FHIP2A: variants seen among roughly 807,000 people sequenced by gnomAD.
The protein encoded by FHIP2A is FHF complex subunit HOOK interacting protein 2A.
Under a neutral mutation model 93.5 loss-of-function variants are expected in FHIP2A, and 46 were observed. That is an observed-to-expected ratio of 0.49 (90% confidence interval 0.39 to 0.63). The LOEUF is 0.63. Among genes scored for constraint, FHIP2A ranks in the 20% least tolerant of loss-of-function variants. FHIP2A has a pLI of 0.00. For missense variants in FHIP2A, 769 were observed against 909.7 expected (o/e 0.85, Z 1.99); for synonymous variants, 332 against 326.5 (o/e 1.02, Z -0.18).
At chr10:114,875,898 G>GA (rs1210173385) in intron 16 of FHIP2A, among the ~76,000 whole-genome samples, 3 of 42,810 alleles carry the variant, frequency 7.0e-5, no homozygotes, top group African/African-American at 2.1e-4. Flanking sequence ...GAGAGAGAAA[G>GA]AAATAAAGAA....
At chr10:114,867,748 T>TC (rs1005030693), downstream of FHIP2A, among the ~76,000 whole-genome samples, 24 of 150,300 alleles carry the variant, frequency 1.6e-4, no homozygotes, top group African/African-American at 5.6e-4. Context: ...ATCCCACAAC[T>TC]CCCCCCCATT....
In FHIP2A at chr10:114,846,240, A is replaced by G; in HGVS notation, c.1271A>G (p.Asp424Gly). 6.2e-7 allele frequency: 1 copy of G among 1,614,170 alleles called. No homozygotes were observed. Among genetic ancestry groups the G allele is most frequent in the Non-Finnish European group, 8.5e-7 (1 of 1,180,026 alleles). ...CGCATCGTTCGGCAAGTGACCTCTG[A>G]TGTTTTGCTTCAAGAAATGGTGTTT... is the stretch of plus-strand genomic sequence containing the variant. ...LHRIVRQVTS[D>G]VLLQEMVFFI... Residue 424 changes from aspartate (D) to glycine (G), a missense_variant, in exon 10 of 17, where the codon GAT (aspartate) becomes GGT (glycine). By Grantham distance (94) the Asp-to-Gly change is moderately conservative. Coordinates refer to ENST00000369248, the MANE Select transcript of FHIP2A (RefSeq NM_020940.4).
intron 16 of FHIP2A, among the ~76,000 whole-genome samples, chr10:114,880,799 CT>C (rs546373024): frequency 6.6e-5 from 10 of 152,038 alleles, no homozygotes; most frequent in Non-Finnish European, 1.5e-4. Flanking sequence ...GATTCTGATG[CT>C]GTAGGGCATG....
chr10:114,888,922 T>A (rs1479477642), intron 16 of FHIP2A, among the ~76,000 whole-genome samples: 1 of 152,064 alleles, frequency 6.6e-6, no homozygotes, highest in Admixed American at 6.6e-5. Flanking sequence ...ACTTTTGAGG[T>A]TTGTCTGAAG....
intron 16 of FHIP2A, among the ~76,000 whole-genome samples, chr10:114,897,728 G>A (rs565484412): frequency 6.6e-6 from 1 of 152,208 alleles, no homozygotes; most frequent in Non-Finnish European, 1.5e-5. Flanking sequence ...TGGGCAACAT[G>A]GCAAAACGCT....
intron 1 of FHIP2A, among the ~76,000 whole-genome samples, chr10:114,825,522 G>A (rs374413108): frequency 6.6e-6 from 1 of 152,164 alleles, no homozygotes; most frequent in Non-Finnish European, 1.5e-5. Flanking sequence ...TTTTGAGTAT[G>A]GAAGATAAGT....
intron 13 of FHIP2A, among the ~76,000 whole-genome samples, chr10:114,851,320 TAA>T (rs1348136502): frequency 1.3e-5 from 2 of 152,222 alleles, no homozygotes; most frequent in Admixed American, 6.5e-5. Context: ...GATTTTCACC[TAA>T]GTCTCTTTCT....
intron 1 of FHIP2A, among the ~76,000 whole-genome samples, chr10:114,827,488 G>A (rs558985213): frequency 6.6e-6 from 1 of 152,280 alleles, no homozygotes; most frequent in Non-Finnish European, 1.5e-5. Context: ...AAGAGAGCAA[G>A]CCAGCTGGTA....
In FHIP2A at chr10:114,843,032, C is replaced by T. The variant is rs112768264; in HGVS notation, c.622C>T (p.Arg208Cys). 2.9e-5 allele frequency: 47 copies of T among 1,613,746 alleles called. No individual in the cohort carries two copies. The African/African-American group carries it at 4.1e-4, about 14-fold the overall frequency. ...DSLSTDTGQS[R>C]QPEELSGATG... ...CTTGTCAACAGATACAGGACAGTCC[C>T]GTCAACCAGAGGAACTATCTGGTGC... Residue 208 changes from arginine to cysteine, a missense_variant, in exon 6 of 17, where the codon CGT becomes TGT. Arg to Cys is a radical substitution (Grantham distance 180). Transcript: ENST00000369248.
chr10:114,836,368 C>A, intron 5 of FHIP2A, 122 bp downstream of exon 5: 1 of 769,866 alleles, frequency 1.3e-6, no homozygotes, highest in Non-Finnish European at 2.1e-6. Flanking sequence ...GTTTTACTTC[C>A]CAGAATTATT....
downstream of FHIP2A, among the ~76,000 whole-genome samples, chr10:114,864,980 G>A (rs534998918): frequency 3.4e-5 from 5 of 145,498 alleles, no homozygotes; most frequent in East Asian, 7.8e-4. Flanking sequence ...GTTTATGCAC[G>A]TCTCAAAAAC....
rs967476042 is a variant in FHIP2A, at chr10:114,842,865, A to G, written c.523-68A>G. ...CATGTGGAATGTTATAGAAAAATCCATTAAAATATTATTTTTGGCTTAAAA... is the reference window on the plus strand; with the variant it reads ...CATGTGGAATGTTATAGAAAAATCCGTTAAAATATTATTTTTGGCTTAAAA... On this transcript the variant is annotated intron_variant, in intron 5 of 16. Coordinates refer to ENST00000369248, the MANE Select transcript of FHIP2A (RefSeq NM_020940.4). 1.7e-5 allele frequency: 18 copies of G among 1,075,428 alleles called. No homozygotes were observed. The East Asian group carries it at 4.2e-4, about 25-fold the overall frequency. 66.6% of individuals were successfully genotyped at this position (1,075,428 alleles called of 1,614,324 possible). A position where few individuals can be genotyped will look rare whatever the true frequency, so the allele number is the denominator to read the frequency against.
At chr10:114,888,529 T>C (rs1320574458) in intron 16 of FHIP2A, among the ~76,000 whole-genome samples, 2 of 152,170 alleles carry the variant, frequency 1.3e-5, no homozygotes, top group Non-Finnish European at 2.9e-5. Context: ...TAAGATACCG[T>C]TCAAGGTAGA....
chr10:114,838,512 AGTT>A (rs1378786114), intron 5 of FHIP2A, among the ~76,000 whole-genome samples: 1 of 151,262 alleles, frequency 6.6e-6, no homozygotes, highest in Non-Finnish European at 1.5e-5. Flanking sequence ...TTTTTTTTTT[AGTT>A]GTTTGTGTAC....
intron 13 of FHIP2A, among the ~76,000 whole-genome samples, chr10:114,851,587 G>A (rs1434359009): frequency 6.6e-6 from 1 of 151,948 alleles, no homozygotes; most frequent in Non-Finnish European, 1.5e-5. Flanking sequence ...GGTTACTGCA[G>A]CTTTGCAGTA....
chr10:114,878,796 AAAG>A (rs2083902733), intron 16 of FHIP2A, among the ~76,000 whole-genome samples: 1 of 146,334 alleles, frequency 6.8e-6, no homozygotes, highest in Non-Finnish European at 1.5e-5. Context: ...AAAAAAAAAG[AAAG>A]AAAGAAAGAA....
intron 2 of FHIP2A, 40 bp downstream of exon 2, chr10:114,830,970 G>A: frequency 8.0e-7 from 1 of 1,250,506 alleles, no homozygotes; most frequent in East Asian, 2.5e-5. Flanking sequence ...ATTTGTGAAA[G>A]TTAAACAGAA....
intron 6 of FHIP2A, 60 bp downstream of exon 6, chr10:114,843,286 A>C: frequency 9.3e-7 from 1 of 1,073,008 alleles, no homozygotes; most frequent in Non-Finnish European, 1.2e-6. Flanking sequence ...GTATTTATTT[A>C]TTTTTTTAAT....
At chr10:114,842,850 G>A (rs145393913) in intron 5 of FHIP2A, 83 bp from the exon 6 acceptor site, 36 of 919,650 alleles carry the variant, frequency 3.9e-5, no homozygotes, top group East Asian at 2.4e-4. Flanking sequence ...CATGTGGAAT[G>A]TTATAGAAAA....
Sources: gnomAD v4.1 joint callset for allele counts (sites outside exome capture counted in the v4.1 genomes callset) on GRCh38, gnomAD v4.1.1 for gene constraint, MANE v1.5 for transcripts, NCBI Gene and HGNC (gene_info 2026-07-23, HGNC 2026-07-21) for gene names.